Variants in PTPRD observed in about 807,000 individuals in gnomAD.
PTPRD encodes receptor-type tyrosine-protein phosphatase delta.
PTPRD carries 34 observed loss-of-function variants against 214.5 expected under a neutral mutation model. That is an observed-to-expected ratio of 0.16 (90% confidence interval 0.12 to 0.21). The LOEUF is 0.21. Among genes scored for constraint, PTPRD ranks in the 10% least tolerant of loss-of-function variants. The pLI, the probability that PTPRD is intolerant of heterozygous loss-of-function variation, is 1.00. For missense variants in PTPRD, 2,545 were observed against 2,398.7 expected (o/e 1.06, Z -1.27); for synonymous variants, 1,128 against 845.7 (o/e 1.33, Z -5.79).
At chr9:8,389,147 T>C (rs535678067) in intron 37 of PTPRD, 85 bp downstream of exon 37, 1 of 1,202,310 alleles carries the variant, frequency 8.3e-7, no homozygotes, top group Non-Finnish European at 1.2e-6. Flanking sequence ...TAGGGAAAGG[T>C]TAGATTCTGA....
At chr9:9,118,039 C>G (rs908700242) in intron 10 of PTPRD, among the ~76,000 whole-genome samples, 1 of 152,288 alleles carries the variant, frequency 6.6e-6, no homozygotes, top group African/African-American at 2.4e-5. Flanking sequence ...TGAAGCACAA[C>G]TGAAGCATAA....
chr9:8,504,667 C>A (rs974834781), intron 22 of PTPRD, among the ~76,000 whole-genome samples: 51 of 152,286 alleles, frequency 3.3e-4, no homozygotes, highest in African/African-American at 1.2e-3. Flanking sequence ...CAGCCAAATA[C>A]ATCAGATAAG....
At position 9,892,113 on chromosome 9, in the gene PTPRD, G is replaced by T. The variant is rs140127789; in HGVS notation, c.-368+46394C>A. Among the ~76,000 whole-genome samples the T allele has an allele frequency of 5.0e-4, 76 of 152,108 alleles. 1 individual carries two copies. In the East Asian group the frequency reaches 0.013, roughly 26 times the overall value. ...TTTATTGAATGCCTACCAGGTTCCA[G>T]GCCTAGTAAATAGACAAGTAAAAAA... On this transcript the variant is annotated intron_variant, in intron 5 of 45. Transcript: ENST00000381196.
intron 3 of PTPRD, among the ~76,000 whole-genome samples, chr9:10,140,244 C>A (rs2098974220): frequency 6.6e-6 from 1 of 151,640 alleles, no homozygotes; most frequent in African/African-American, 2.4e-5. Context: ...AAGCAAAAAA[C>A]AAATAACCCC....
At chr9:10,503,864 C>T (rs1451910475) in intron 2 of PTPRD, among the ~76,000 whole-genome samples, 1 of 151,692 alleles carries the variant, frequency 6.6e-6, no homozygotes, top group Non-Finnish European at 1.5e-5. Context: ...CACCTGTAAT[C>T]CCAGCACTTT....
intron 2 of PTPRD, among the ~76,000 whole-genome samples, chr9:10,472,147 G>T (rs892814149): frequency 1.3e-5 from 2 of 152,074 alleles, no homozygotes; most frequent in Non-Finnish European, 2.9e-5. Context: ...TACAGTAAAT[G>T]AACTATTTGT....
At chr9:8,974,099 G>A (rs2099254750) in intron 11 of PTPRD, among the ~76,000 whole-genome samples, 1 of 152,034 alleles carries the variant, frequency 6.6e-6, no homozygotes, top group African/African-American at 2.4e-5. Flanking sequence ...TACTTTTGGG[G>A]ACTTGTCCAT....
intron 26 of PTPRD, among the ~76,000 whole-genome samples, chr9:8,496,399 T>C (rs2097272164): frequency 6.6e-6 from 1 of 152,240 alleles, no homozygotes; most frequent in African/African-American, 2.4e-5. Flanking sequence ...TGCTGCGTTC[T>C]ATGAAACTTT....
At chr9:9,653,386 A>AAAAAAAAAAGG (rs2096422807) in intron 7 of PTPRD, among the ~76,000 whole-genome samples, 1 of 133,794 alleles carries the variant, frequency 7.5e-6, no homozygotes, top group Non-Finnish European at 1.6e-5. Context: ...AAAAAAAAAA[A>AAAAAAAAAAGG]GTGCCTCATT....
intron 3 of PTPRD, among the ~76,000 whole-genome samples, chr9:10,276,708 T>C (rs2094711838): frequency 1.3e-5 from 2 of 152,228 alleles, no homozygotes; most frequent in African/African-American, 4.8e-5. Context: ...ATTATTCTTA[T>C]GGCTGGCAAT....
chr9:10,178,161 G>A (rs2099260419), intron 3 of PTPRD, among the ~76,000 whole-genome samples: 1 of 152,062 alleles, frequency 6.6e-6, no homozygotes, highest in East Asian at 1.9e-4. Flanking sequence ...AAGTTTCTAA[G>A]TTGTAAAAGA....
At chr9:9,773,013 G>T (rs767763081) in intron 5 of PTPRD, among the ~76,000 whole-genome samples, 2 of 152,106 alleles carry the variant, frequency 1.3e-5, no homozygotes, top group Non-Finnish European at 2.9e-5. Context: ...ACAAACTGTA[G>T]TATTCCCATA....
chr9:9,654,428 A>ATG (rs776488100), intron 7 of PTPRD, among the ~76,000 whole-genome samples: 3 of 151,702 alleles, frequency 2.0e-5, no homozygotes, highest in Non-Finnish European at 2.9e-5. Context: ...ATACATATAT[A>ATG]TGTGTGTGTG....
chr9:10,452,896 G>A (rs1382485635), intron 2 of PTPRD, among the ~76,000 whole-genome samples: 1 of 151,646 alleles, frequency 6.6e-6, no homozygotes. Flanking sequence ...AGAAATCACT[G>A]TGAAGAGCAT....
chr9:10,028,900 T>A (rs1345176803), intron 4 of PTPRD, among the ~76,000 whole-genome samples: 1 of 152,124 alleles, frequency 6.6e-6, no homozygotes, highest in Admixed American at 6.5e-5. Context: ...CTCCAGGGCA[T>A]GTCAGAGGTC....
intron 5 of PTPRD, among the ~76,000 whole-genome samples, chr9:9,779,352 G>C (rs1358131730): frequency 1.3e-5 from 2 of 151,980 alleles, no homozygotes; most frequent in Non-Finnish European, 2.9e-5. Flanking sequence ...AAACTGATAA[G>C]TGGCATGGGA....
At chr9:8,794,466 C>T (rs987084349) in intron 11 of PTPRD, among the ~76,000 whole-genome samples, 8 of 150,936 alleles carry the variant, frequency 5.3e-5, no homozygotes, top group African/African-American at 1.9e-4. Context: ...TCCAGTGGCA[C>T]TTATATTCAC....
At chr9:8,929,861 ATATACATGTGTGTGTATATATGTGTG>A (rs2098937202) in intron 11 of PTPRD, among the ~76,000 whole-genome samples, 3 of 93,688 alleles carry the variant, frequency 3.2e-5, no homozygotes, top group African/African-American at 7.0e-5. Flanking sequence ...ATATATGTGT[ATATACATGTGTGTGTATATATGTGTG>A]TGTATATATA....
At chr9:9,077,204 T>G (rs2099752543) in intron 10 of PTPRD, among the ~76,000 whole-genome samples, 1 of 152,084 alleles carries the variant, frequency 6.6e-6, no homozygotes, top group South Asian at 2.1e-4. Flanking sequence ...ATATTCTGGT[T>G]TTTAACCCTT....
Sources: allele counts gnomAD v4.1 joint callset (sites outside exome capture counted in the v4.1 genomes callset), GRCh38; gene constraint gnomAD v4.1.1; transcripts MANE v1.5; gene names NCBI Gene and HGNC (gene_info 2026-07-23, HGNC 2026-07-21).